The following SPATA22 variants were observed in gnomAD, a reference collection of about 807,000 sequenced individuals.
SPATA22 encodes the protein spermatogenesis-associated protein 22.
Under a neutral mutation model 47.8 loss-of-function variants are expected in SPATA22, and 29 were observed. That is an observed-to-expected ratio of 0.61 (90% CI 0.45 to 0.83). The LOEUF is 0.83. SPATA22 is among the 40% of genes least tolerant of loss of function. The probability of loss-of-function intolerance (pLI) is 0.00; values close to 1 mark genes in which losing one functional copy is unlikely to be tolerated. For missense variants in SPATA22, 410 were observed against 421.7 expected (o/e 0.97, Z 0.24); for synonymous variants, 133 against 140.9 (o/e 0.94, Z 0.40).
At chr17:3,507,376 T>C (rs1405603927) in intron 1 of SPATA22, among the ~76,000 whole-genome samples, 7 of 152,192 alleles carry the variant, frequency 4.6e-5, no homozygotes, top group Non-Finnish European at 1.0e-4. Flanking sequence ...CCTACCACCA[T>C]CTTAAATGGA....
intron 8 of SPATA22, chr17:3,441,004 T>C (rs1426606572): frequency 6.6e-6 from 1 of 152,004 alleles, no homozygotes; most frequent in Non-Finnish European, 1.5e-5. Context: ...ACCTGAAGCT[T>C]AAGGTTGGGA....
intron 8 of SPATA22, among the ~76,000 whole-genome samples, chr17:3,442,629 T>C (rs980434075): frequency 1.3e-5 from 2 of 151,988 alleles, no homozygotes; most frequent in Non-Finnish European, 2.9e-5. Context: ...CTCTTCACTT[T>C]GGTAATTATA....
upstream of SPATA22, chr17:3,475,754 A>C (rs1270825410): frequency 3.0e-5 from 6 of 196,890 alleles, no homozygotes. Context: ...AGAAACGTAT[A>C]AACTATTTTT....
At chr17:3,459,042 A>C (rs533055187) in intron 5 of SPATA22, among the ~76,000 whole-genome samples, 1 of 100,398 alleles carries the variant, frequency 1.0e-5, no homozygotes, top group South Asian at 3.0e-4. Flanking sequence ...AATAAGTCAG[A>C]CACAGAAAGA....
rs1015063984 is a variant in SPATA22 at position 3,478,184 on chromosome 17, C to CAA, written c.-73-8788_-73-8787dup. Among the ~76,000 whole-genome samples, 525 of 139,194 alleles carry CAA rather than the reference C, an allele frequency of 3.8e-3. 3 individuals are homozygous for CAA. Among genetic ancestry groups the CAA allele is most frequent in the African/African-American group, 0.013 (478 of 37,524 alleles). 91.3% of individuals were successfully genotyped at this position (139,194 alleles called of 152,430 possible). A position where few individuals can be genotyped will look rare whatever the true frequency, so the allele number is the denominator to read the frequency against. Reference sequence around the variant, plus strand: ...TGGGTGACAGAGCGAGACTCCGTCTCAAAAAAAAAAATATATATATATATA... The same window carrying CAA: ...TGGGTGACAGAGCGAGACTCCGTCTCAAAAAAAAAAAAATATATATATATATA... On this transcript the variant is annotated intron_variant, in intron 1 of 8. Coordinates refer to the SPATA22 transcript ENST00000541913.
intron 1 of SPATA22, among the ~76,000 whole-genome samples, 188 bp from the exon 2 acceptor site, chr17:3,469,586 G>A (rs1459244400): frequency 6.6e-6 from 1 of 152,170 alleles, no homozygotes; most frequent in Non-Finnish European, 1.5e-5. Flanking sequence ...ATTAAGTTAT[G>A]ACTAGGGCAA....
At chr17:3,467,346 T>G in intron 3 of SPATA22, 80 bp downstream of exon 3, 1 of 1,152,052 alleles carries the variant, frequency 8.7e-7, no homozygotes, top group South Asian at 1.6e-5. Flanking sequence ...ACTTTCTATT[T>G]TCATTATAAT....
rs1325420675 is a variant in SPATA22, at chr17:3,494,347, T to C, written c.-74+19065A>G. On this transcript the variant is annotated intron_variant, in intron 1 of 8. Coordinates refer to the SPATA22 transcript ENST00000541913. ...CCATTGATACATATTGTTTTTGTCA[T>C]AGGAAAAGAATTTCCTCCCTGCGCC... 3 of 1,595,432 alleles carry C rather than the reference T, an allele frequency of 1.9e-6. No homozygotes were observed. The highest frequency in any genetic ancestry group is 1.1e-5 in the South Asian group (1 of 90,762).
intron 3 of SPATA22, among the ~76,000 whole-genome samples, 172 bp downstream of exon 3, chr17:3,467,254 G>C (rs2073335607): frequency 6.6e-6 from 1 of 152,058 alleles, no homozygotes; most frequent in Non-Finnish European, 1.5e-5. Context: ...TTGTAGATAA[G>C]GAAACTTAAA....
intron 5 of SPATA22, among the ~76,000 whole-genome samples, chr17:3,458,463 C>T (rs946954597): frequency 2.0e-5 from 3 of 152,086 alleles, no homozygotes; most frequent in Admixed American, 6.6e-5. Flanking sequence ...TCTAACAATT[C>T]CACTTCTGGA....
intron 1 of SPATA22, among the ~76,000 whole-genome samples, chr17:3,506,865 C>T (rs1365533687): frequency 2.0e-5 from 3 of 151,862 alleles, no homozygotes; most frequent in African/African-American, 4.8e-5. Context: ...TGCTTGAAGC[C>T]GGGAGGTGGA....
rs1209227358 is a variant in SPATA22, at chr17:3,481,671, CAA to C, written c.-73-12275_-73-12274del. ...CAAGAAATAAATCATTTATTTGGTC[CAA>C]AAGACAGTGAAGATTCCTATGACAT... On this transcript the variant is annotated intron_variant, in intron 1 of 8. Transcript: ENST00000541913. The C allele has an allele frequency of 6.2e-7, 1 of 1,613,754 alleles. No homozygotes were observed. Among genetic ancestry groups the C allele is most frequent in the African/African-American group, 1.3e-5 (1 of 74,998 alleles).
intron 1 of SPATA22, among the ~76,000 whole-genome samples, chr17:3,477,069 G>C (rs913827599): frequency 2.0e-5 from 3 of 151,938 alleles, no homozygotes; most frequent in African/African-American, 7.2e-5. Context: ...GCAGGAGAAT[G>C]GCGTGAACCC....
chr17:3,475,331 G>A (rs1597421228), upstream of SPATA22: 1 of 152,294 alleles, frequency 6.6e-6, no homozygotes, highest in African/African-American at 2.4e-5. Context: ...ACATGATGTG[G>A]TTAGCACATG....
At chr17:3,487,193 T>C (rs1207132601) in intron 1 of SPATA22, among the ~76,000 whole-genome samples, 1 of 152,204 alleles carries the variant, frequency 6.6e-6, no homozygotes, top group African/African-American at 2.4e-5. Context: ...AGGTGGTCCT[T>C]GTAGGTGCCT....
intron 1 of SPATA22, chr17:3,489,170 A>G: frequency 2.1e-6 from 2 of 975,582 alleles, no homozygotes; most frequent in South Asian, 2.9e-5. Context: ...ATACATTAAA[A>G]TGCTTAGTTT....
intron 5 of SPATA22, 80 bp from the exon 6 acceptor site, chr17:3,449,229 T>A: frequency 9.4e-7 from 1 of 1,060,638 alleles, no homozygotes; most frequent in Non-Finnish European, 1.3e-6. Flanking sequence ...AAAATTCATT[T>A]ATATGGCAAT....
intron 1 of SPATA22, among the ~76,000 whole-genome samples, chr17:3,491,312 G>C (rs546052236): frequency 6.6e-6 from 1 of 152,186 alleles, no homozygotes; most frequent in East Asian, 1.9e-4. Flanking sequence ...GGGAGGTAAT[G>C]GTCTTTTTTT....
intron 7 of SPATA22, among the ~76,000 whole-genome samples, chr17:3,443,871 T>C (rs527315495): frequency 1.1e-4 from 16 of 151,738 alleles, no homozygotes; most frequent in African/African-American, 3.1e-4. Flanking sequence ...TCCATAGTTA[T>C]CCTTTGTGTG....
Sources: gnomAD v4.1 joint callset for allele counts (sites outside exome capture counted in the v4.1 genomes callset) on GRCh38, gnomAD v4.1.1 for gene constraint, MANE v1.5 for transcripts, NCBI Gene and HGNC (gene_info 2026-07-23, HGNC 2026-07-21) for gene names.